EYS: variants seen among roughly 807,000 people sequenced by gnomAD.
EYS encodes EGF-like photoreceptor maintenance factor.
EYS carries 250 observed loss-of-function variants against 282.1 expected under a neutral mutation model. The observed-to-expected ratio is 0.89, with a 90% CI of 0.80 to 0.98. The LOEUF (loss-of-function observed/expected upper bound fraction) is 0.98. EYS is among the 50% of genes least tolerant of loss of function. EYS has a pLI of 0.00. For synonymous variants in EYS, 1,355 were observed against 1,282.9 expected, an observed-to-expected ratio of 1.06 and a Z score of -1.20; for missense variants, 4,016 against 3,709.0, an observed-to-expected ratio of 1.08 and a Z score of -2.15.
At position 64,945,964 on chromosome 6, in the gene EYS, C is replaced by A. The variant is rs766327883; in HGVS notation, c.2260-50G>T. The A allele has an allele frequency of 3.6e-6, 5 of 1,390,950 alleles. No homozygotes were observed. The African/African-American group carries it at 5.8e-5, about 16-fold the overall frequency. 86.2% of individuals were successfully genotyped at this position (1,390,950 alleles called of 1,614,324 possible). On this transcript the variant is annotated intron_variant, in intron 14 of 42. Transcript: ENST00000503581. ...TTTTAGGCTATTTCTTACTATTAAG[C>A]CTATAATACAGATATTACTCCTGGC... is the stretch of plus-strand genomic sequence containing the variant.
intron 8 of EYS, among the ~76,000 whole-genome samples, chr6:65,356,171 CA>C (rs1222558660): frequency 6.6e-6 from 1 of 151,876 alleles, no homozygotes; most frequent in African/African-American, 2.4e-5. Flanking sequence ...TTAGCAATAA[CA>C]AAGAATAAAA....
At chr6:64,728,436 C>G (rs1054378633) in intron 22 of EYS, among the ~76,000 whole-genome samples, 5 of 151,976 alleles carry the variant, frequency 3.3e-5, no homozygotes, top group Admixed American at 6.6e-5. Context: ...CCGGGTTCAC[C>G]CCATTCTCCT....
chr6:63,796,854 T>C (rs1375202699), intron 37 of EYS, among the ~76,000 whole-genome samples: 1 of 152,238 alleles, frequency 6.6e-6, no homozygotes, highest in Admixed American at 6.5e-5. Flanking sequence ...TAAGAAATTC[T>C]AAGTGACAAG....
rs1220937155 is a variant in EYS, at chr6:64,947,395, G to A, written c.2260-1481C>T. ...TTCTACTCAGTACTGTGCTTTGGTT[G>A]AACAGGGCCAATTGGTTTTCCATGC... is the stretch of plus-strand genomic sequence containing the variant. On this transcript the variant is annotated intron_variant, in intron 14 of 42. Transcript: ENST00000503581. Among the ~76,000 whole-genome samples the A allele has an allele frequency of 2.6e-5, 4 of 151,800 alleles. No individual in the cohort carries two copies. In the Admixed American group the frequency reaches 2.6e-4, roughly 10 times the overall value.
At chr6:64,253,380 T>C (rs4365910) in intron 30 of EYS, among the ~76,000 whole-genome samples, 48,235 of 152,000 alleles carry the variant, frequency 0.32, 7,655 homozygotes, top group East Asian at 0.51. Context: ...CAGATTTAAA[T>C]GTAAGTGTTT....
At chr6:65,011,527 G>A (rs764476111) in intron 13 of EYS, among the ~76,000 whole-genome samples, 7 of 152,078 alleles carry the variant, frequency 4.6e-5, no homozygotes, top group African/African-American at 1.2e-4. Context: ...CACCCCTCCC[G>A]AGGAAATCTC....
chr6:63,883,059 A>G (rs552366710), intron 35 of EYS, among the ~76,000 whole-genome samples: 1 of 152,336 alleles, frequency 6.6e-6, no homozygotes, highest in Admixed American at 6.5e-5. Context: ...AATATATATT[A>G]TAACATAGTA....
intron 2 of EYS, among the ~76,000 whole-genome samples, chr6:65,611,725 G>A (rs1766009451): frequency 6.6e-6 from 1 of 151,924 alleles, no homozygotes; most frequent in South Asian, 2.1e-4. Flanking sequence ...TCTGACATTG[G>A]CTGCACACAG....
chr6:64,386,872 C>T (rs937076565), intron 29 of EYS, among the ~76,000 whole-genome samples: 1 of 152,036 alleles, frequency 6.6e-6, no homozygotes, highest in African/African-American at 2.4e-5. Flanking sequence ...AGTCCTAACC[C>T]CTCCAGTTGT....
At chr6:65,370,659 C>A (rs1262284692) in intron 8 of EYS, among the ~76,000 whole-genome samples, 1 of 151,774 alleles carries the variant, frequency 6.6e-6, no homozygotes, top group Non-Finnish European at 1.5e-5. Flanking sequence ...TTCCCATGTT[C>A]TATGTATTGC....
At chr6:64,703,423 A>ATTTT (rs1318388190) in intron 22 of EYS, among the ~76,000 whole-genome samples, 57 of 25,104 alleles carry the variant, frequency 2.3e-3, no homozygotes, top group Admixed American at 5.6e-3. Context: ...ATATATATAT[A>ATTTT]TATATATTTT....
At chr6:64,118,277 A>G (rs1368904094) in intron 31 of EYS, among the ~76,000 whole-genome samples, 2 of 152,118 alleles carry the variant, frequency 1.3e-5, no homozygotes. Flanking sequence ...ACATGATTTG[A>G]CCTCAAAATA....
chr6:64,523,234 A>C (rs932169235), intron 26 of EYS, among the ~76,000 whole-genome samples: 1 of 151,792 alleles, frequency 6.6e-6, no homozygotes, highest in Non-Finnish European at 1.5e-5. Context: ...AAAGAATACA[A>C]GTAAGAATAA....
Position 65,296,000 on chromosome 6 carries a change from C to T in EYS, c.1886G>A (p.Cys629Tyr). The change falls in exon 12 of 43, where the codon TGT becomes TAT. Residue 629 changes from cysteine (C) to tyrosine (Y), a missense_variant. By Grantham distance (194) the Cys-to-Tyr change is radical. Coordinates refer to ENST00000503581, the MANE Select transcript of EYS (RefSeq NM_001142800.2). The part of the protein sequence containing the change: ...LCLALSHNCN[C>Y]SGLQRYERNI... Reference sequence around the variant, plus strand: ...CCTTTCATATCTTTGCAGACCGCTACAGTTACAATTGTGCGAAAGGGCCAG... The same window carrying T: ...CCTTTCATATCTTTGCAGACCGCTATAGTTACAATTGTGCGAAAGGGCCAG... 3 of 1,551,222 alleles carry T rather than the reference C, an allele frequency of 1.9e-6. No individual in the cohort carries two copies. Among genetic ancestry groups the T allele is most frequent in the Non-Finnish European group, 2.6e-6 (3 of 1,146,536 alleles).
At chr6:64,314,754 T>C (rs1490349245) in intron 29 of EYS, among the ~76,000 whole-genome samples, 1 of 152,020 alleles carries the variant, frequency 6.6e-6, no homozygotes, top group Admixed American at 6.6e-5. Flanking sequence ...CAACAGAATC[T>C]CTGGGACACA....
chr6:64,781,959 A>C lies in EYS; in HGVS notation c.3443+31419T>G, dbSNP rs181683559. On this transcript the variant is annotated intron_variant, in intron 22 of 42. Coordinates refer to ENST00000503581, the MANE Select transcript of EYS (RefSeq NM_001142800.2). ...ATATGGCACAGTGGATATGAAATTG[A>C]TTATATCAGGAAATCTAGTCATCTG... Among the ~76,000 whole-genome samples the C allele has an allele frequency of 1.3e-3, 194 of 152,344 alleles. 2 individuals carry two copies. The highest frequency in any genetic ancestry group is 4.5e-3 in the African/African-American group (187 of 41,580).
chr6:64,529,889 T>C (rs904202879), intron 26 of EYS, among the ~76,000 whole-genome samples: 1 of 152,002 alleles, frequency 6.6e-6, no homozygotes, highest in African/African-American at 2.4e-5. Context: ...GCAGAAAGAA[T>C]TGAGATGGAA....
chr6:64,414,787 T>G (rs144823222), intron 28 of EYS, among the ~76,000 whole-genome samples: 11 of 152,224 alleles, frequency 7.2e-5, no homozygotes, highest in Admixed American at 2.0e-4. Flanking sequence ...TTGGGGATGA[T>G]CAAGCAAAAC....
intron 15 of EYS, among the ~76,000 whole-genome samples, chr6:64,920,040 C>T (rs1232643223): frequency 4.6e-5 from 7 of 151,648 alleles, no homozygotes; most frequent in Non-Finnish European, 8.8e-5. Flanking sequence ...AAACATATGC[C>T]GTACAGTGAG....
Sources: gnomAD v4.1 joint callset for allele counts (sites outside exome capture counted in the v4.1 genomes callset) on GRCh38, gnomAD v4.1.1 for gene constraint, MANE v1.5 for transcripts, NCBI Gene and HGNC (gene_info 2026-07-23, HGNC 2026-07-21) for gene names.